The following RDX variants were observed in gnomAD, a reference collection of about 807,000 sequenced individuals.
The protein encoded by RDX is deafness, autosomal recessive 24.
RDX carries 32 observed loss-of-function variants against 83.7 expected under a neutral mutation model. The ratio of observed to expected loss-of-function variants is 0.38; its 90% CI spans 0.29 to 0.51. The LOEUF (loss-of-function observed/expected upper bound fraction) is 0.51, where lower values mean the gene tolerates loss of function less well. RDX is among the 20% of genes least tolerant of loss of function. The pLI is 0.87. For missense variants in RDX, 600 were observed against 689.9 expected, an observed-to-expected ratio of 0.87 and a Z score of 1.46; for synonymous variants, 229 against 222.7, an observed-to-expected ratio of 1.03 and a Z score of -0.25.
intron 1 of RDX, among the ~76,000 whole-genome samples, chr11:110,292,236 T>C (rs1334445122): frequency 6.6e-6 from 1 of 151,048 alleles, no homozygotes; most frequent in African/African-American, 2.4e-5. Flanking sequence ...GAGGCTGTAG[T>C]GAGCTGAGAT....
intron 14 of RDX, among the ~76,000 whole-genome samples, chr11:110,215,739 G>C (rs976437633): frequency 6.6e-6 from 1 of 152,164 alleles, no homozygotes; most frequent in African/African-American, 2.4e-5. Flanking sequence ...AAACTGGAAA[G>C]GTCACATTTT....
At position 110,231,005 on chromosome 11, in the gene RDX, T is replaced by A. The variant is rs185094188; in HGVS notation, c.*864A>T. ...CCAACAAATGTATATTTTCTTTTTT[T>A]AACTAATCATTTGTTTTTCTAAATC... On this transcript the variant is annotated 3_prime_UTR_variant, in exon 14 of 14. Transcript: ENST00000645495. The A allele has an allele frequency of 6.6e-6, 1 of 152,592 alleles. No homozygotes were observed. The highest frequency in any genetic ancestry group is 2.4e-5 in the African/African-American group (1 of 41,450). 9.5% of individuals were successfully genotyped at this position (152,592 alleles called of 1,614,324 possible).
chr11:110,283,385 A>G (rs1860843175), intron 1 of RDX, among the ~76,000 whole-genome samples: 1 of 152,128 alleles, frequency 6.6e-6, no homozygotes, highest in African/African-American at 2.4e-5. Context: ...AACTCTTGAC[A>G]TCAGGTAATC....
At chr11:110,262,024 T>TA (rs959271620) in intron 5 of RDX, among the ~76,000 whole-genome samples, 11 of 150,380 alleles carry the variant, frequency 7.3e-5, no homozygotes, top group Admixed American at 1.3e-4. Context: ...CTTTAACATT[T>TA]AAAAAAAAAA....
Position 110,231,986 on chromosome 11 carries a change from T to G in RDX, c.1635A>C (p.Thr545=). The G allele has an allele frequency of 1.2e-6, 2 of 1,614,176 alleles. No homozygotes were observed. The highest frequency in any genetic ancestry group is 1.7e-6 in the Non-Finnish European group (2 of 1,180,008). ...TCTCAGCATGAAGAACATCATTTTG[T>G]GTTTTCTTGGTTTCATCTCTGGCTT... ...LAQARDETKK[T]QNDVLHAENV... The change falls in exon 14 of 14, where the codon ACA becomes ACC. Residue 545 remains threonine (T), a synonymous_variant. Coordinates refer to ENST00000645495, the MANE Select transcript of RDX (RefSeq NM_002906.4).
rs554312694 is a variant in RDX at position 110,287,733 on chromosome 11, T to G, written c.-64-7977A>C. Reference sequence around the variant, plus strand: ...GCTCACTCTCCACTCTGCCTACACTTCCTATCTTCACAATAACTGCCCTCC... The same window carrying G: ...GCTCACTCTCCACTCTGCCTACACTGCCTATCTTCACAATAACTGCCCTCC... On this transcript the variant is annotated intron_variant, in intron 1 of 13. Transcript: ENST00000645495. Among the ~76,000 whole-genome samples, 4 of 152,256 alleles carry G rather than the reference T, an allele frequency of 2.6e-5. No individual in the cohort carries two copies. In the East Asian group the frequency reaches 7.7e-4, roughly 29 times the overall value.
At chr11:110,263,709 T>C (rs1472938272) in intron 5 of RDX, among the ~76,000 whole-genome samples, 1 of 147,392 alleles carries the variant, frequency 6.8e-6, no homozygotes, top group Non-Finnish European at 1.5e-5. Context: ...AAAAATACAT[T>C]AAAAAAAAAA....
chr11:110,244,615 T>A (rs534282159), intron 10 of RDX, among the ~76,000 whole-genome samples: 1 of 152,268 alleles, frequency 6.6e-6, no homozygotes, highest in East Asian at 1.9e-4. Context: ...CTTTTTGGGA[T>A]AATGAAAATG....
chr11:110,258,164 T>C lies in RDX; in HGVS notation c.493A>G (p.Lys165Glu), dbSNP rs761056787. The stretch of plus-strand genomic sequence containing the variant: ...TGTATTCTTTCTTCCCACTGTTCTT[T>C]TGTTAGTTTGTGTTGTTCCAATACA... The part of the protein sequence containing the change: ...QRVLEQHKLT[K>E]EQWEERIQNW... The change falls in exon 6 of 14, where the codon AAA (lysine) becomes GAA (glutamate). Residue 165 changes from lysine to glutamate, a missense_variant. Coordinates refer to ENST00000645495, the MANE Select transcript of RDX (RefSeq NM_002906.4). The C allele has an allele frequency of 2.2e-5, 35 of 1,611,298 alleles. No homozygotes were observed. Among genetic ancestry groups the C allele is most frequent in the Non-Finnish European group, 2.8e-5 (33 of 1,178,602 alleles).
At chr11:110,284,461 T>C (rs1860896343) in intron 1 of RDX, among the ~76,000 whole-genome samples, 2 of 152,172 alleles carry the variant, frequency 1.3e-5, no homozygotes, top group African/African-American at 2.4e-5. Context: ...TAGATAAGGT[T>C]AAGTGGAAAG....
intron 9 of RDX, among the ~76,000 whole-genome samples, chr11:110,249,582 T>G (rs1489383958): frequency 3.3e-5 from 5 of 152,140 alleles, no homozygotes; most frequent in Non-Finnish European, 7.4e-5. Flanking sequence ...TAATGAATCC[T>G]TCCACCATTT....
At chr11:110,201,487 G>C (rs917824594) in intron 14 of RDX, among the ~76,000 whole-genome samples, 3 of 152,174 alleles carry the variant, frequency 2.0e-5, no homozygotes, top group African/African-American at 7.2e-5. Flanking sequence ...AAGGTGAAGA[G>C]ACGTCAGAAA....
rs1459328413 is a variant in RDX at position 110,231,733 on chromosome 11, T to G, written c.*136A>C. 3 of 921,582 alleles carry G rather than the reference T, an allele frequency of 3.3e-6. No individual in the cohort carries two copies. Among genetic ancestry groups the G allele is most frequent in the Non-Finnish European group, 5.3e-6 (3 of 563,066 alleles). The allele number at this position is 921,582 out of a possible 1,614,324, so 57.1% of individuals were successfully genotyped here. The stretch of plus-strand genomic sequence containing the variant: ...TAATGTTGAAGAGCTCCCCTTAAAT[T>G]TGTCTTTTAGCTAGCACAGTCAAAC... On this transcript the variant is annotated 3_prime_UTR_variant, in exon 14 of 14. Coordinates refer to ENST00000645495, the MANE Select transcript of RDX (RefSeq NM_002906.4).
At chr11:110,214,726 T>C (rs201235125) in intron 14 of RDX, among the ~76,000 whole-genome samples, 5,361 of 61,728 alleles carry the variant, frequency 0.087, 46 homozygotes, top group East Asian at 0.16. Context: ...TCATTCTCAG[T>C]AAACTATCGC....
chr11:110,255,865 C>G (rs769789994), intron 7 of RDX, among the ~76,000 whole-genome samples: 1 of 152,034 alleles, frequency 6.6e-6, no homozygotes, highest in Non-Finnish European at 1.5e-5. Flanking sequence ...TCTGGATATT[C>G]ACGAATATAC....
chr11:110,238,475 C>T (rs1349206619), intron 10 of RDX, among the ~76,000 whole-genome samples: 1 of 152,160 alleles, frequency 6.6e-6, no homozygotes, highest in Admixed American at 6.5e-5. Context: ...TAAGACAGTA[C>T]AAGGTCCTAC....
intron 15 of RDX, among the ~76,000 whole-genome samples, chr11:110,190,354 T>C (rs932350752): frequency 2.0e-5 from 3 of 152,152 alleles, no homozygotes; most frequent in Non-Finnish European, 4.4e-5. Context: ...GCAGAATTGC[T>C]TGAACCCGGG....
chr11:110,205,287 T>C (rs116616866), intron 14 of RDX, among the ~76,000 whole-genome samples: 2,572 of 152,172 alleles, frequency 0.017, 90 homozygotes, highest in African/African-American at 0.056. Context: ...AACTTTTAGA[T>C]GAAAATATAG....
chr11:110,291,830 G>T (rs1018102214), intron 1 of RDX, among the ~76,000 whole-genome samples: 7 of 152,146 alleles, frequency 4.6e-5, no homozygotes, highest in African/African-American at 1.4e-4. Context: ...CTTTTAGTAT[G>T]CAAGACATTA....
Sources: gnomAD v4.1 joint callset for allele counts (sites outside exome capture counted in the v4.1 genomes callset) on GRCh38, gnomAD v4.1.1 for gene constraint, MANE v1.5 for transcripts, NCBI Gene and HGNC (gene_info 2026-07-23, HGNC 2026-07-21) for gene names.